Variants in GRIN2A observed in about 807,000 individuals in gnomAD.
GRIN2A encodes the protein glutamate receptor ionotropic, NMDA 2A.
In GRIN2A, 22 loss-of-function variants were observed where a neutral mutation model predicts 113.4. The observed-to-expected ratio is 0.19, with a 90% confidence interval of 0.14 to 0.28. The LOEUF (loss-of-function observed/expected upper bound fraction) is 0.28, where lower values mean the gene tolerates loss of function less well. Ranked by LOEUF, GRIN2A falls within the 10% of genes least tolerant of loss-of-function variation. The pLI, the probability that GRIN2A is intolerant of heterozygous loss-of-function variation, is 1.00. For synonymous variants in GRIN2A, 827 were observed against 738.4 expected (o/e 1.12, Z -1.94); for missense variants, 1,502 against 1,887.0 (o/e 0.80, Z 3.78).
At chr16:9,964,076 C>T (rs2045502877) in intron 2 of GRIN2A, among the ~76,000 whole-genome samples, 1 of 152,116 alleles carries the variant, frequency 6.6e-6, no homozygotes, top group Admixed American at 6.6e-5. Flanking sequence ...GGAGAGGGCT[C>T]CCAAGAAAAC....
intron 7 of GRIN2A, among the ~76,000 whole-genome samples, chr16:9,838,912 A>T (rs997574180): frequency 6.6e-6 from 1 of 152,154 alleles, no homozygotes; most frequent in Non-Finnish European, 1.5e-5. Context: ...TCAGAAAGGG[A>T]GAGGATGGGA....
chr16:9,876,289 CA>C (rs1298153289), intron 4 of GRIN2A, among the ~76,000 whole-genome samples: 1 of 152,166 alleles, frequency 6.6e-6, no homozygotes, highest in East Asian at 1.9e-4. Context: ...TCTCAGGTAG[CA>C]GAGCATATTA....
rs147289847 is a variant in GRIN2A at position 9,925,980 on chromosome 16, A to G, written c.1007+11979T>C. ...TTGGAAATTTTCAAGACAATTTCTT[A>G]AGCAAGTAATACGGGTTCCATCCGG... On this transcript the variant is annotated intron_variant, in intron 3 of 12. Transcript: ENST00000330684. Among the ~76,000 whole-genome samples, 171 of 152,370 alleles carry G rather than the reference A, an allele frequency of 1.1e-3. 1 individual carries two copies. The highest frequency in any genetic ancestry group is 4.8e-3 in the Admixed American group (73 of 15,308).
At chr16:9,868,150 C>T (rs1020358698) in intron 4 of GRIN2A, among the ~76,000 whole-genome samples, 1 of 152,204 alleles carries the variant, frequency 6.6e-6, no homozygotes, top group African/African-American at 2.4e-5. Context: ...TCACAGCCAC[C>T]ACCCTCATCC....
intron 4 of GRIN2A, among the ~76,000 whole-genome samples, chr16:9,869,305 T>C (rs565460168): frequency 4.6e-5 from 7 of 152,192 alleles, no homozygotes; most frequent in South Asian, 2.1e-4. Context: ...TGGTGGTACA[T>C]GCCTGTAATC....
intron 2 of GRIN2A, among the ~76,000 whole-genome samples, chr16:10,108,053 G>A (rs1428799804): frequency 1.3e-5 from 2 of 152,174 alleles, no homozygotes; most frequent in African/African-American, 4.8e-5. Context: ...CCCAAGATTA[G>A]GTACTCCTTG....
At chr16:10,181,385 C>T (rs1053795965) in intron 1 of GRIN2A, among the ~76,000 whole-genome samples, 2 of 152,228 alleles carry the variant, frequency 1.3e-5, no homozygotes, top group African/African-American at 4.8e-5. Context: ...GACTGTACAG[C>T]CCCTCCCTAG....
chr16:10,000,569 T>A (rs1045129058), intron 2 of GRIN2A, among the ~76,000 whole-genome samples: 1 of 151,982 alleles, frequency 6.6e-6, no homozygotes, highest in African/African-American at 2.4e-5. Context: ...TCCTTTAAGG[T>A]ACTTTAGCAT....
chr16:10,165,681 G>A (rs1473716108), intron 2 of GRIN2A, among the ~76,000 whole-genome samples: 2 of 108,748 alleles, frequency 1.8e-5, no homozygotes, highest in East Asian at 3.4e-4. Context: ...AGAGGAGAGG[G>A]GAGGGGAGGG....
intron 2 of GRIN2A, among the ~76,000 whole-genome samples, chr16:10,153,334 G>A (rs1052580204): frequency 3.3e-5 from 5 of 152,150 alleles, no homozygotes; most frequent in Admixed American, 2.6e-4. Flanking sequence ...CACAAGTACT[G>A]GATATATTGG....
chr16:9,834,315 G>T (rs1382586805), intron 7 of GRIN2A, 85 bp from the exon 8 acceptor site: 1 of 1,276,736 alleles, frequency 7.8e-7, no homozygotes, highest in Non-Finnish European at 1.1e-6. Context: ...TCCATTTGCA[G>T]GCTCGCCAAA....
At chr16:10,074,955 C>T (rs1028013027) in intron 2 of GRIN2A, among the ~76,000 whole-genome samples, 10 of 152,130 alleles carry the variant, frequency 6.6e-5, no homozygotes, top group African/African-American at 2.4e-4. Flanking sequence ...GGCCTAAGTG[C>T]TATTATACAT....
rs189588844 is a variant in GRIN2A, at chr16:10,146,131, T to A, written c.414+33867A>T. 1.1e-3 allele frequency among the ~76,000 whole-genome samples: 162 copies of A among 152,276 alleles called. 1 individual carries two copies. Among genetic ancestry groups the A allele is most frequent in the Middle Eastern group, 6.8e-3 (2 of 294 alleles). On this transcript the variant is annotated intron_variant, in intron 2 of 12. Transcript: ENST00000330684. ...ACTCATCCATTTATTCAACATTTTT[T>A]TTTTGAGATGGAGTCTCGCTCTGTC... is the stretch of plus-strand genomic sequence containing the variant.
intron 2 of GRIN2A, among the ~76,000 whole-genome samples, chr16:10,101,444 G>T (rs536019008): frequency 1.3e-5 from 2 of 152,158 alleles, no homozygotes; most frequent in Admixed American, 6.5e-5. Context: ...GAAAACCTCC[G>T]AGCGCCGTGG....
intron 2 of GRIN2A, among the ~76,000 whole-genome samples, chr16:10,003,015 A>G (rs995627292): frequency 5.3e-5 from 8 of 152,240 alleles, no homozygotes; most frequent in African/African-American, 7.2e-5. Flanking sequence ...AAAATCTGCC[A>G]TATTGCTGCT....
At chr16:10,019,321 A>G (rs918775099) in intron 2 of GRIN2A, among the ~76,000 whole-genome samples, 6 of 152,238 alleles carry the variant, frequency 3.9e-5, no homozygotes, top group African/African-American at 1.2e-4. Flanking sequence ...TATAATTATC[A>G]CTATTATTAA....
intron 5 of GRIN2A, 61 bp downstream of exon 5, chr16:9,849,695 G>T: frequency 8.4e-7 from 1 of 1,191,054 alleles, no homozygotes; most frequent in African/African-American, 1.5e-5. Context: ...TGTTACTATC[G>T]ATGATCCATG....
chr16:10,058,700 G>A (rs996502209), intron 2 of GRIN2A, among the ~76,000 whole-genome samples: 5 of 152,146 alleles, frequency 3.3e-5, no homozygotes, highest in South Asian at 2.1e-4. Flanking sequence ...TTAGGGGCCC[G>A]TTTATGTGAT....
Position 10,157,117 on chromosome 16 carries a change from C to T in GRIN2A, c.414+22881G>A, listed in dbSNP as rs554145770. ...GCGCCCCTTGAGTAGGAGAGCTTCC[C>T]GTATAAGCAGGAAACTCAGAAGACT... is the stretch of plus-strand genomic sequence containing the variant. On this transcript the variant is annotated intron_variant, in intron 2 of 12. Transcript: ENST00000330684. Among the ~76,000 whole-genome samples the T allele has an allele frequency of 1.4e-4, 22 of 152,154 alleles. 1 individual carries two copies. In the South Asian group the frequency reaches 4.2e-3, roughly 29 times the overall value.
Sources: gnomAD v4.1 joint callset for allele counts (sites outside exome capture counted in the v4.1 genomes callset) on GRCh38, gnomAD v4.1.1 for gene constraint, MANE v1.5 for transcripts, NCBI Gene and HGNC (gene_info 2026-07-23, HGNC 2026-07-21) for gene names.